The following CNTN5 variants were observed in gnomAD, a reference collection of about 807,000 sequenced individuals.
CNTN5 encodes the protein contactin-5.
A neutral mutation model predicts 129.1 loss-of-function variants in CNTN5; 77 were observed. The ratio of observed to expected loss-of-function variants is 0.60; its 90% confidence interval spans 0.50 to 0.72. CNTN5 has a LOEUF of 0.72. Ranked by LOEUF, CNTN5 falls within the 30% of genes least tolerant of loss-of-function variation. The pLI is 0.00. For missense variants in CNTN5, 1,478 were observed against 1,328.8 expected, an observed-to-expected ratio of 1.11 and a Z score of -1.75; for synonymous variants, 509 against 465.6, an observed-to-expected ratio of 1.09 and a Z score of -1.20.
At chr11:100,245,411 T>C (rs938288769) in intron 16 of CNTN5, among the ~76,000 whole-genome samples, 28 of 152,136 alleles carry the variant, frequency 1.8e-4, no homozygotes, top group Non-Finnish European at 1.3e-4. Context: ...CGTGATCTGA[T>C]TGGCTTAGGC....
intron 2 of CNTN5, among the ~76,000 whole-genome samples, chr11:99,434,342 A>T (rs1943518633): frequency 6.6e-6 from 1 of 152,318 alleles, no homozygotes; most frequent in African/African-American, 2.4e-5. Flanking sequence ...AAAATTAGCA[A>T]TATTCCATGC....
intron 1 of CNTN5, among the ~76,000 whole-genome samples, chr11:99,109,609 A>G (rs1489476644): frequency 5.3e-5 from 8 of 152,224 alleles, no homozygotes; most frequent in African/African-American, 1.9e-4. Context: ...AAGAAAACCA[A>G]GTGATTACAG....
intron 1 of CNTN5, among the ~76,000 whole-genome samples, chr11:99,076,566 T>G (rs573249022): frequency 6.6e-6 from 1 of 152,212 alleles, no homozygotes; most frequent in East Asian, 1.9e-4. Flanking sequence ...TTCCAGACTT[T>G]AATATTAAAA....
At chr11:99,913,188 C>G (rs1255676403) in intron 6 of CNTN5, among the ~76,000 whole-genome samples, 2 of 152,022 alleles carry the variant, frequency 1.3e-5, no homozygotes, top group East Asian at 3.9e-4. Flanking sequence ...TAACTCCTTT[C>G]TCTTCTTAGT....
chr11:99,408,452 A>AAGAAAGAAAGAAAG (rs1565557915), intron 2 of CNTN5, among the ~76,000 whole-genome samples: 531 of 90,918 alleles, frequency 5.8e-3, no homozygotes, highest in East Asian at 0.011. Context: ...AAGAAAGAGA[A>AAGAAAGAAAGAAAG]AGAAAGAAAG....
intron 3 of CNTN5, among the ~76,000 whole-genome samples, chr11:99,787,281 T>C (rs1945565442): frequency 6.6e-6 from 1 of 151,620 alleles, no homozygotes; most frequent in African/African-American, 2.4e-5. Flanking sequence ...TGTGTTATAT[T>C]TAACCAAAAA....
intron 3 of CNTN5, among the ~76,000 whole-genome samples, chr11:99,769,055 T>A (rs1403361034): frequency 6.6e-6 from 1 of 152,168 alleles, no homozygotes; most frequent in Admixed American, 6.5e-5. Context: ...TCTTAAAAAA[T>A]TATTTTAATA....
At position 99,026,789 on chromosome 11, in the gene CNTN5, A is replaced by G. The variant is rs1342362355; in HGVS notation, c.-210+5519A>G. ...GATGGAATTAGAACCCACATCTCTT[A>G]AATTTGAAGATCAGAGCTTTTTATG... On this transcript the variant is annotated intron_variant, in intron 1 of 24. Coordinates refer to ENST00000524871, the MANE Select transcript of CNTN5 (RefSeq NM_014361.4). 5.9e-5 allele frequency among the ~76,000 whole-genome samples: 9 copies of G among 151,764 alleles called. No homozygotes were observed. In the East Asian group the frequency reaches 1.7e-3, roughly 29 times the overall value.
intron 1 of CNTN5, among the ~76,000 whole-genome samples, chr11:99,279,648 T>C (rs1863601252): frequency 6.6e-6 from 1 of 151,818 alleles, no homozygotes; most frequent in African/African-American, 2.4e-5. Context: ...AGTATTTTTA[T>C]ACTTCAGTAA....
intron 1 of CNTN5, among the ~76,000 whole-genome samples, chr11:99,022,106 A>T (rs1325335821): frequency 6.6e-6 from 1 of 152,212 alleles, no homozygotes; most frequent in Non-Finnish European, 1.5e-5. Context: ...AAAAACTTTT[A>T]AACTGTTGTA....
intron 1 of CNTN5, among the ~76,000 whole-genome samples, chr11:99,213,374 G>GTATATACATATATACACGTGTATATA (rs1555079594): frequency 0.012 from 1,249 of 103,538 alleles, 31 homozygotes; most frequent in Non-Finnish European, 0.02. Flanking sequence ...ATGTATATAT[G>GTATATACATATATACACGTGTATATA]TATATACATA....
At chr11:99,716,956 A>C (rs1352798573) in intron 3 of CNTN5, among the ~76,000 whole-genome samples, 1 of 152,110 alleles carries the variant, frequency 6.6e-6, no homozygotes, top group Admixed American at 6.6e-5. Context: ...CAGGGGAGCA[A>C]CTAAGTGAAT....
intron 2 of CNTN5, among the ~76,000 whole-genome samples, chr11:99,358,170 G>C (rs11219584): frequency 7.5e-6 from 1 of 133,748 alleles, no homozygotes; most frequent in East Asian, 2.6e-4. Flanking sequence ...CTCACTGCAA[G>C]CTCCGCCTCC....
At chr11:99,260,001 T>A (rs1331885341) in intron 1 of CNTN5, among the ~76,000 whole-genome samples, 2 of 151,734 alleles carry the variant, frequency 1.3e-5, no homozygotes, top group Admixed American at 6.6e-5. Context: ...CTTTCTGTAT[T>A]ATATAAATAT....
At chr11:100,267,248 A>G (rs1950321631) in intron 17 of CNTN5, among the ~76,000 whole-genome samples, 1 of 58,668 alleles carries the variant, frequency 1.7e-5, no homozygotes, top group South Asian at 7.5e-4. Flanking sequence ...TTTCACATGA[A>G]TCAACCACAC....
At chr11:99,043,474 T>G (rs980886320) in intron 1 of CNTN5, among the ~76,000 whole-genome samples, 1 of 152,250 alleles carries the variant, frequency 6.6e-6, no homozygotes, top group Non-Finnish European at 1.5e-5. Context: ...ATCAAAGATC[T>G]GGTGGGATAT....
At chr11:100,086,441 T>A (rs1441862293) in intron 13 of CNTN5, among the ~76,000 whole-genome samples, 1 of 150,574 alleles carries the variant, frequency 6.6e-6, no homozygotes, top group Non-Finnish European at 1.5e-5. Context: ...GGTATGCTAT[T>A]TCCAAACTAG....
chr11:100,339,116 A>T (rs564208112), intron 21 of CNTN5, among the ~76,000 whole-genome samples: 1 of 152,214 alleles, frequency 6.6e-6, no homozygotes, highest in Admixed American at 6.5e-5. Context: ...GCATTCTCTT[A>T]GTTCTGCCAT....
In CNTN5 at chr11:99,143,335, ATG is replaced by A. The variant is rs1446218263; in HGVS notation, c.-210+122067_-210+122068del. Among the ~76,000 whole-genome samples the A allele has an allele frequency of 6.0e-5, 8 of 133,730 alleles. No individual in the cohort carries two copies. In the Admixed American group the frequency reaches 6.2e-4, roughly 10 times the overall value. 87.7% of individuals were successfully genotyped at this position (133,730 alleles called of 152,430 possible). A position where few individuals can be genotyped will look rare whatever the true frequency, so the allele number is the denominator to read the frequency against. ...ATATATTTTAAAATATGTAATATAT[ATG>A]TATGTGTGTATATATGTAAATATAT... On this transcript the variant is annotated intron_variant, in intron 1 of 24. Coordinates refer to ENST00000524871, the MANE Select transcript of CNTN5 (RefSeq NM_014361.4).
Sources: gnomAD v4.1 joint callset for allele counts (sites outside exome capture counted in the v4.1 genomes callset) on GRCh38, gnomAD v4.1.1 for gene constraint, MANE v1.5 for transcripts, NCBI Gene and HGNC (gene_info 2026-07-23, HGNC 2026-07-21) for gene names.